Variants in GRIK2 observed in about 807,000 individuals in gnomAD.
GRIK2 encodes the protein glutamate ionotropic receptor kainate type subunit 2, also known as glutamate receptor ionotropic, kainate 2.
In GRIK2, 32 loss-of-function variants were observed where a neutral mutation model predicts 100.3. The observed-to-expected ratio is 0.32, with a 90% CI of 0.24 to 0.43. The LOEUF is 0.43. GRIK2 is among the 20% of genes least tolerant of loss of function. The pLI, the probability that GRIK2 is intolerant of heterozygous loss-of-function variation, is 1.00. For missense variants in GRIK2, 843 were observed against 1,114.9 expected, an observed-to-expected ratio of 0.76 and a Z score of 3.47; for synonymous variants, 417 against 389.4, an observed-to-expected ratio of 1.07 and a Z score of -0.83.
chr6:101,584,985 AG>A (rs1376104563), intron 2 of GRIK2, among the ~76,000 whole-genome samples: 1 of 152,018 alleles, frequency 6.6e-6, no homozygotes, highest in East Asian at 1.9e-4. Context: ...TTAGTAAACC[AG>A]CATTTCTCAT....
In GRIK2 at chr6:101,767,645, A is replaced by G. The variant is rs184758285; in HGVS notation, c.952-32003A>G. 2.6e-5 allele frequency among the ~76,000 whole-genome samples: 4 copies of G among 152,236 alleles called. No individual in the cohort carries two copies. In the East Asian group the frequency reaches 7.7e-4, roughly 29 times the overall value. ...TTAAAATAATAAAAATAAACACAAT[A>G]TGTGTGTGACTGGGTCTATGTAGGC... On this transcript the variant is annotated intron_variant, in intron 7 of 16. Transcript: ENST00000369134.
intron 2 of GRIK2, among the ~76,000 whole-genome samples, chr6:101,403,164 T>C (rs1775418853): frequency 6.6e-6 from 1 of 152,204 alleles, no homozygotes; most frequent in Admixed American, 6.5e-5. Context: ...TTGTTTCCGA[T>C]CTTCAAGGTC....
intron 7 of GRIK2, among the ~76,000 whole-genome samples, chr6:101,720,509 T>A (rs533483031): frequency 1.3e-5 from 2 of 152,072 alleles, no homozygotes; most frequent in African/African-American, 4.8e-5. Context: ...TATTGTCTAT[T>A]AATAATTCCT....
chr6:101,897,029 C>A (rs1288200828), intron 12 of GRIK2, among the ~76,000 whole-genome samples: 1 of 149,214 alleles, frequency 6.7e-6, no homozygotes, highest in African/African-American at 2.5e-5. Context: ...CACACACACA[C>A]ACAGACACAT....
At chr6:101,900,390 GGAGGCAGAGGTAGCGGT>G (rs745679520) in intron 12 of GRIK2, among the ~76,000 whole-genome samples, 23 of 152,108 alleles carry the variant, frequency 1.5e-4, no homozygotes, top group Non-Finnish European at 2.5e-4. Context: ...CTTGAACCTG[GGAGGCAGAGGTAGCGGT>G]GAGCCGAGAT....
intron 10 of GRIK2, among the ~76,000 whole-genome samples, chr6:101,849,302 A>G (rs1783983020): frequency 6.6e-6 from 1 of 152,076 alleles, no homozygotes; most frequent in African/African-American, 2.4e-5. Context: ...CATCTCCTTA[A>G]CATTGCTGTC....
At chr6:102,012,712 T>A (rs1449565080) in intron 14 of GRIK2, among the ~76,000 whole-genome samples, 2 of 152,142 alleles carry the variant, frequency 1.3e-5, no homozygotes, top group African/African-American at 4.8e-5. Context: ...AAAACCTTGT[T>A]CTAATTGTTT....
At chr6:101,797,770 ATATT>A in intron 7 of GRIK2, among the ~76,000 whole-genome samples, 1 of 146,938 alleles carries the variant, frequency 6.8e-6, no homozygotes, top group South Asian at 2.1e-4. Flanking sequence ...TATATATTAT[ATATT>A]ATATATTACA....
chr6:101,951,724 T>C (rs1791617239), intron 14 of GRIK2, among the ~76,000 whole-genome samples: 1 of 152,180 alleles, frequency 6.6e-6, no homozygotes, highest in Non-Finnish European at 1.5e-5. Context: ...CTGATGATTT[T>C]ATAAAGAGTA....
chr6:101,571,721 G>A (rs1408363092), intron 2 of GRIK2, among the ~76,000 whole-genome samples: 1 of 152,086 alleles, frequency 6.6e-6, no homozygotes, highest in East Asian at 1.9e-4. Context: ...CCTACTTGAA[G>A]ATGGCCTATA....
intron 14 of GRIK2, among the ~76,000 whole-genome samples, chr6:101,940,791 C>A (rs1582580413): frequency 6.6e-6 from 1 of 152,076 alleles, no homozygotes; most frequent in East Asian, 1.9e-4. Context: ...CTTATGGCTT[C>A]TAATAAAACA....
intron 1 of GRIK2, among the ~76,000 whole-genome samples, chr6:101,394,436 A>G (rs1435170448): frequency 1.3e-5 from 2 of 152,188 alleles, no homozygotes; most frequent in Admixed American, 1.3e-4. Context: ...TTTTACCTTT[A>G]AGGAGATAGA....
At chr6:102,051,840 T>C (rs1038094001) in intron 15 of GRIK2, among the ~76,000 whole-genome samples, 22 of 152,214 alleles carry the variant, frequency 1.4e-4, no homozygotes, top group Non-Finnish European at 1.2e-4. Flanking sequence ...TAGTGTTTTC[T>C]AATTAAAGTT....
chr6:101,496,919 C>A (rs1017915678), intron 2 of GRIK2, among the ~76,000 whole-genome samples: 48 of 151,954 alleles, frequency 3.2e-4, no homozygotes, highest in African/African-American at 1.1e-3. Flanking sequence ...TGCTTGATGA[C>A]CCATGGTTTT....
chr6:101,721,814 T>C (rs1222639263), intron 7 of GRIK2, among the ~76,000 whole-genome samples: 3 of 151,996 alleles, frequency 2.0e-5, no homozygotes, highest in Non-Finnish European at 4.4e-5. Context: ...ATTATTTAAT[T>C]CACTACATGT....
intron 11 of GRIK2, 26 bp downstream of exon 11, chr6:101,859,519 T>C: frequency 3.1e-6 from 4 of 1,291,336 alleles, no homozygotes; most frequent in Non-Finnish European, 3.4e-6. Flanking sequence ...CATGATTTAT[T>C]AGTTTGTTAT....
intron 7 of GRIK2, among the ~76,000 whole-genome samples, chr6:101,734,808 T>A (rs1229371871): frequency 6.6e-6 from 1 of 152,132 alleles, no homozygotes; most frequent in East Asian, 1.9e-4. Context: ...TAAAAGGACA[T>A]GAGGAAGTTT....
chr6:101,850,291 T>C (rs1359559503), intron 10 of GRIK2, among the ~76,000 whole-genome samples: 2 of 152,066 alleles, frequency 1.3e-5, no homozygotes, highest in Non-Finnish European at 2.9e-5. Context: ...CATTGTTCAG[T>C]GTTGTATACC....
chr6:101,804,990 A>G (rs1228163340), intron 9 of GRIK2, among the ~76,000 whole-genome samples: 2 of 151,960 alleles, frequency 1.3e-5, no homozygotes, highest in Non-Finnish European at 2.9e-5. Flanking sequence ...TTTTGGCTCA[A>G]ATTCTCACTC....
Sources: allele counts gnomAD v4.1 joint callset (sites outside exome capture counted in the v4.1 genomes callset), GRCh38; gene constraint gnomAD v4.1.1; transcripts MANE v1.5; gene names NCBI Gene and HGNC (gene_info 2026-07-23, HGNC 2026-07-21).